Variants in FAM193A observed in about 807,000 individuals in gnomAD.
The protein encoded by FAM193A is family with sequence similarity 193 member A.
FAM193A carries 22 observed loss-of-function variants against 126.5 expected under a neutral mutation model. The ratio of observed to expected loss-of-function variants is 0.17; its 90% CI spans 0.12 to 0.25. The LOEUF (loss-of-function observed/expected upper bound fraction) is 0.25. FAM193A is among the 10% of genes least tolerant of loss of function. The pLI, the probability that FAM193A is intolerant of heterozygous loss-of-function variation, is 1.00. For synonymous variants in FAM193A, 761 were observed against 646.8 expected (o/e 1.18, Z -2.68); for missense variants, 1,675 against 1,672.8 (o/e 1.00, Z -0.02).
chr4:2,705,152 C>T (rs557225568), intron 19 of FAM193A, among the ~76,000 whole-genome samples: 34 of 152,306 alleles, frequency 2.2e-4, no homozygotes, highest in Non-Finnish European at 4.3e-4. Flanking sequence ...CCTCACAATC[C>T]GCCTGTCTTG....
chr4:2,573,130 C>G (rs957471713), intron 1 of FAM193A, among the ~76,000 whole-genome samples: 5 of 151,902 alleles, frequency 3.3e-5, no homozygotes, highest in African/African-American at 1.2e-4. Context: ...TTTTTCCCGC[C>G]TCACTCTTAC....
rs547832887 is a variant in FAM193A, at chr4:2,634,709, A to G, written c.1038+3540A>G. ...TACTGAAAAATACTAGTGTTCAGCA[A>G]GGAAACGTATCAGATTTCCCAAGTA... On this transcript the variant is annotated intron_variant, in intron 5 of 20. Transcript: ENST00000637812. Among the ~76,000 whole-genome samples, 17 of 152,348 alleles carry G rather than the reference A, an allele frequency of 1.1e-4. No individual in the cohort carries two copies. In the South Asian group the frequency reaches 3.5e-3, roughly 32 times the overall value.
intron 1 of FAM193A, among the ~76,000 whole-genome samples, chr4:2,592,779 A>G (rs1190581044): frequency 6.6e-6 from 1 of 152,190 alleles, no homozygotes; most frequent in Non-Finnish European, 1.5e-5. Context: ...AGAGCTCTGC[A>G]TAGGGTTCTC....
intron 5 of FAM193A, among the ~76,000 whole-genome samples, chr4:2,633,889 G>A (rs371146214): frequency 3.0e-4 from 45 of 152,202 alleles, no homozygotes; most frequent in East Asian, 2.3e-3. Flanking sequence ...GCAAAACTCC[G>A]TCTCAAAAAA....
chr4:2,572,473 G>A (rs6853835), intron 1 of FAM193A, among the ~76,000 whole-genome samples: 4,317 of 152,228 alleles, frequency 0.028, 221 homozygotes, highest in African/African-American at 0.098. Context: ...GGACTTGGGC[G>A]TTCTCCAGTC....
chr4:2,669,743 C>T (rs1030727008), intron 12 of FAM193A, among the ~76,000 whole-genome samples: 1 of 152,192 alleles, frequency 6.6e-6, no homozygotes, highest in Non-Finnish European at 1.5e-5. Context: ...TATCAAATTC[C>T]ACACCAGAGT....
chr4:2,693,758 A>G lies in FAM193A; in HGVS notation c.2976A>G (p.Ser992=). Residue 992 remains serine (S), a synonymous_variant, in exon 16 of 21, where the codon TCA becomes TCG. Transcript: ENST00000637812. ...ACCTTGCAAATCTTGCAGCCCCATC[A>G]TTCCCCAAAACAGCAACCACAACTC... is the stretch of plus-strand genomic sequence containing the variant. The part of the protein sequence containing the change: ...TPHLANLAAP[S]FPKTATTTPG... 1 of 1,614,140 alleles carries G rather than the reference A, an allele frequency of 6.2e-7. No individual in the cohort carries two copies. The highest frequency in any genetic ancestry group is 1.1e-5 in the South Asian group (1 of 91,082).
chr4:2,633,312 T>C (rs1743782516), intron 5 of FAM193A, among the ~76,000 whole-genome samples: 1 of 151,818 alleles, frequency 6.6e-6, no homozygotes, highest in African/African-American at 2.4e-5. Flanking sequence ...GGCAGGAGAA[T>C]CACTTGAACC....
chr4:2,549,718 T>G (rs909978423), intron 1 of FAM193A, among the ~76,000 whole-genome samples: 1 of 148,852 alleles, frequency 6.7e-6, no homozygotes, highest in Non-Finnish European at 1.5e-5. Flanking sequence ...TTCTAAAAAT[T>G]TTATAGTTTT....
At chr4:2,535,406 C>T (rs986437863), upstream of FAM193A, among the ~76,000 whole-genome samples, 3 of 152,170 alleles carry the variant, frequency 2.0e-5, no homozygotes, top group Admixed American at 6.6e-5. Flanking sequence ...CAGTAGAGCT[C>T]GGTTAACGCT....
At chr4:2,603,152 A>G (rs1053858212) in intron 2 of FAM193A, among the ~76,000 whole-genome samples, 15 of 145,752 alleles carry the variant, frequency 1.0e-4, no homozygotes, top group African/African-American at 2.6e-4. Context: ...GTGTATATAT[A>G]TATGTATATA....
intron 1 of FAM193A, among the ~76,000 whole-genome samples, chr4:2,561,282 G>C (rs994307197): frequency 2.0e-5 from 3 of 151,802 alleles, no homozygotes; most frequent in Non-Finnish European, 4.4e-5. Flanking sequence ...CCGGGTTCCA[G>C]GCAGTTCTCC....
chr4:2,671,079 C>T (rs981941379), intron 12 of FAM193A, among the ~76,000 whole-genome samples: 4 of 152,182 alleles, frequency 2.6e-5, no homozygotes, highest in African/African-American at 9.7e-5. Flanking sequence ...CTTGAATCCA[C>T]AGGGGCTCCA....
intron 2 of FAM193A, among the ~76,000 whole-genome samples, chr4:2,599,392 A>G (rs571045327): frequency 6.6e-5 from 10 of 152,182 alleles, no homozygotes; most frequent in East Asian, 1.9e-4. Context: ...GATTTTATCA[A>G]TTGTCCTGCT....
chr4:2,552,404 G>A (rs1737985377), intron 1 of FAM193A, among the ~76,000 whole-genome samples: 1 of 152,048 alleles, frequency 6.6e-6, no homozygotes. Context: ...GCCCACCTCT[G>A]CCTCCCAAAG....
At chr4:2,584,562 C>T (rs1412593904) in intron 1 of FAM193A, among the ~76,000 whole-genome samples, 2 of 151,966 alleles carry the variant, frequency 1.3e-5, no homozygotes, top group East Asian at 3.9e-4. Context: ...GGAAATAGAA[C>T]ATTACCAGGA....
chr4:2,660,317 C>T (rs1712275750), intron 10 of FAM193A, among the ~76,000 whole-genome samples: 1 of 152,138 alleles, frequency 6.6e-6, no homozygotes, highest in African/African-American at 2.4e-5. Flanking sequence ...AGAAGTGTCT[C>T]TAATTCCGGC....
Position 2,689,041 on chromosome 4 carries a change from C to T in FAM193A, c.2332-465C>T, listed in dbSNP as rs372965625. Among the ~76,000 whole-genome samples the T allele has an allele frequency of 2.6e-5, 4 of 152,358 alleles. No individual in the cohort carries two copies. The East Asian group carries it at 7.7e-4, about 29-fold the overall frequency. On this transcript the variant is annotated intron_variant, in intron 13 of 20. Transcript: ENST00000637812. ...TCTTTAGAGCACAGTATACAAATTT[C>T]TCTAGGTCATTAGATTTGTGCTGTA...
At chr4:2,672,017 T>TA in intron 12 of FAM193A, 104 bp from the exon 13 acceptor site, 2 of 1,301,360 alleles carry the variant, frequency 1.5e-6, no homozygotes, top group Non-Finnish European at 1.1e-6. Context: ...AAAGCCCACT[T>TA]ACCTTTGTAT....
Sources: allele counts gnomAD v4.1 joint callset (sites outside exome capture counted in the v4.1 genomes callset), GRCh38; gene constraint gnomAD v4.1.1; transcripts MANE v1.5; gene names NCBI Gene and HGNC (gene_info 2026-07-23, HGNC 2026-07-21).